The following RBFOX1 variants were observed in gnomAD, a reference collection of about 807,000 sequenced individuals.
RBFOX1 encodes RNA binding protein fox-1 homolog 1.
In RBFOX1, 8 loss-of-function variants were observed where a neutral mutation model predicts 57.7. That is an observed-to-expected ratio of 0.14 (90% confidence interval 0.08 to 0.25). The LOEUF (loss-of-function observed/expected upper bound fraction) is 0.25, where lower values mean the gene tolerates loss of function less well. RBFOX1 is among the 10% of genes least tolerant of loss of function. The probability of loss-of-function intolerance (pLI) is 1.00; values close to 1 mark genes in which losing one functional copy is unlikely to be tolerated. For synonymous variants in RBFOX1, 326 were observed against 222.4 expected (o/e 1.47, Z -4.15); for missense variants, 611 against 548.5 (o/e 1.11, Z -1.14).
intron 3 of RBFOX1, among the ~76,000 whole-genome samples, chr16:7,050,807 A>G (rs2049802090): frequency 6.6e-6 from 1 of 152,026 alleles, no homozygotes. Context: ...TTTTTCATAC[A>G]TAATGTTGTT....
chr16:6,063,700 G>T (rs1473115223), intron 1 of RBFOX1, among the ~76,000 whole-genome samples: 2 of 152,106 alleles, frequency 1.3e-5, no homozygotes, highest in Admixed American at 1.3e-4. Flanking sequence ...GAGAAGTGGG[G>T]TCCTGTCACC....
intron 4 of RBFOX1, among the ~76,000 whole-genome samples, chr16:5,903,067 G>A (rs533193838): frequency 5.3e-5 from 8 of 152,178 alleles, no homozygotes; most frequent in East Asian, 1.9e-4. Context: ...TGCCTGAGCC[G>A]ACTTACTGTT....
At chr16:7,072,651 A>G (rs1357759822) in intron 4 of RBFOX1, among the ~76,000 whole-genome samples, 2 of 152,242 alleles carry the variant, frequency 1.3e-5, no homozygotes, top group African/African-American at 4.8e-5. Context: ...AGAATATTTC[A>G]GAGGATCTTC....
intron 4 of RBFOX1, among the ~76,000 whole-genome samples, chr16:5,932,327 C>T (rs898402727): frequency 6.6e-6 from 1 of 152,228 alleles, no homozygotes; most frequent in African/African-American, 2.4e-5. Flanking sequence ...CCTTGTCTGA[C>T]AGCTGCCAGA....
At chr16:6,605,322 C>T (rs1294700480) in intron 2 of RBFOX1, among the ~76,000 whole-genome samples, 2 of 152,116 alleles carry the variant, frequency 1.3e-5, no homozygotes, top group Non-Finnish European at 2.9e-5. Flanking sequence ...ACCTTCCCAA[C>T]ATGTTAGCTT....
At chr16:7,337,744 G>C (rs982049628) in intron 4 of RBFOX1, among the ~76,000 whole-genome samples, 1 of 152,194 alleles carries the variant, frequency 6.6e-6, no homozygotes, top group Non-Finnish European at 1.5e-5. Context: ...GAGTGCAGGG[G>C]CGCAATCTCG....
intron 14 of RBFOX1, among the ~76,000 whole-genome samples, chr16:7,705,833 G>A (rs1231478058): frequency 6.6e-6 from 1 of 152,162 alleles, no homozygotes; most frequent in Non-Finnish European, 1.5e-5. Context: ...TCATGTGCAT[G>A]GAGTAAAGTG....
At chr16:6,628,160 C>T (rs1036109849) in intron 2 of RBFOX1, among the ~76,000 whole-genome samples, 1 of 152,200 alleles carries the variant, frequency 6.6e-6, no homozygotes, top group Non-Finnish European at 1.5e-5. Flanking sequence ...GCGTTACCTT[C>T]TGCCTCTTCC....
In RBFOX1 at chr16:7,654,190, G is replaced by C. The variant is rs150427380; in HGVS notation, c.890+243G>C. On this transcript the variant is annotated intron_variant, in intron 12 of 15. Transcript: ENST00000550418. The stretch of plus-strand genomic sequence containing the variant: ...CATTCTACATGTCACATGTTGTTAT[G>C]TAAATTCTCTTTGAGACTGAATGCT... Among the ~76,000 whole-genome samples the C allele has an allele frequency of 7.6e-3, 1,158 of 152,320 alleles. 15 individuals are homozygous for C. Among genetic ancestry groups the C allele is most frequent in the African/African-American group, 0.027 (1,112 of 41,562 alleles).
intron 4 of RBFOX1, among the ~76,000 whole-genome samples, chr16:7,177,967 A>C (rs544955197): frequency 9.8e-5 from 15 of 152,320 alleles, no homozygotes; most frequent in African/African-American, 3.6e-4. Context: ...CAGACACAAC[A>C]TGCTCACGCT....
intron 2 of RBFOX1, among the ~76,000 whole-genome samples, chr16:5,498,706 C>G (rs1249871058): frequency 1.3e-5 from 2 of 152,200 alleles, no homozygotes; most frequent in African/African-American, 2.4e-5. Flanking sequence ...TCAACCTGAT[C>G]TCTTATTTCC....
chr16:7,687,043 T>G (rs969554366), intron 14 of RBFOX1, among the ~76,000 whole-genome samples: 6 of 152,096 alleles, frequency 3.9e-5, no homozygotes, highest in African/African-American at 1.4e-4. Flanking sequence ...AAATGAAATG[T>G]TTTTAAGTGT....
chr16:6,953,958 C>G (rs906242298), intron 3 of RBFOX1, among the ~76,000 whole-genome samples: 3 of 152,074 alleles, frequency 2.0e-5, no homozygotes, highest in African/African-American at 7.2e-5. Flanking sequence ...CTCTTATTTA[C>G]AAAAGTGTTT....
intron 4 of RBFOX1, among the ~76,000 whole-genome samples, chr16:7,363,145 A>G (rs1001751123): frequency 2.6e-5 from 4 of 151,984 alleles, no homozygotes; most frequent in East Asian, 1.9e-4. Flanking sequence ...TGTTGTTGCT[A>G]TTTTCATTAT....
intron 3 of RBFOX1, among the ~76,000 whole-genome samples, chr16:6,901,642 C>T (rs1002594252): frequency 9.9e-5 from 15 of 152,126 alleles, no homozygotes; most frequent in Admixed American, 6.6e-4. Flanking sequence ...TTCTGGTAAC[C>T]TTCAACAAAC....
chr16:6,527,005 C>G (rs1036128049), intron 2 of RBFOX1, among the ~76,000 whole-genome samples: 6 of 151,950 alleles, frequency 3.9e-5, no homozygotes, highest in African/African-American at 1.5e-4. Flanking sequence ...ATCTGGAAAT[C>G]CAACTTAAAT....
At chr16:6,419,481 T>G (rs768034656) in intron 2 of RBFOX1, among the ~76,000 whole-genome samples, 1 of 152,208 alleles carries the variant, frequency 6.6e-6, no homozygotes, top group African/African-American at 2.4e-5. Flanking sequence ...AAGAAAGGAA[T>G]GAAGACAATA....
intron 5 of RBFOX1, among the ~76,000 whole-genome samples, chr16:7,543,407 G>A (rs2083484672): frequency 6.6e-6 from 1 of 152,182 alleles, no homozygotes; most frequent in South Asian, 2.1e-4. Flanking sequence ...GGAGATGCCA[G>A]CAGCTATCAC....
At chr16:5,906,177 G>C (rs992903278) in intron 4 of RBFOX1, among the ~76,000 whole-genome samples, 1 of 152,152 alleles carries the variant, frequency 6.6e-6, no homozygotes. Flanking sequence ...GAAGTCCTAG[G>C]CCTCAGTGCC....
Sources: allele counts gnomAD v4.1 joint callset (sites outside exome capture counted in the v4.1 genomes callset), GRCh38; gene constraint gnomAD v4.1.1; transcripts MANE v1.5; gene names NCBI Gene and HGNC (gene_info 2026-07-23, HGNC 2026-07-21).